Variants in FYB1 observed in about 807,000 individuals in gnomAD.
FYB1 encodes FYN-binding protein 1.
In FYB1, 41 loss-of-function variants were observed where a neutral mutation model predicts 94.1. That is an observed-to-expected ratio of 0.44 (90% CI 0.34 to 0.57). FYB1 has a LOEUF of 0.57. FYB1 is among the 20% of genes least tolerant of loss of function. The pLI, the probability that FYB1 is intolerant of heterozygous loss-of-function variation, is 0.02. For synonymous variants in FYB1, 367 were observed against 353.2 expected (o/e 1.04, Z -0.44); for missense variants, 1,050 against 976.8 (o/e 1.07, Z -1.00).
At chr5:39,112,821 A>G (rs908214404) in intron 16 of FYB1, among the ~76,000 whole-genome samples, 1 of 152,082 alleles carries the variant, frequency 6.6e-6, no homozygotes, top group Non-Finnish European at 1.5e-5. Flanking sequence ...AAGAGTTCTA[A>G]GGAACAGCCT....
At chr5:39,271,913 C>A (rs1232596180) in intron 1 of FYB1, among the ~76,000 whole-genome samples, 1 of 152,142 alleles carries the variant, frequency 6.6e-6, no homozygotes, top group Non-Finnish European at 1.5e-5. Context: ...CCCAGGCATA[C>A]TTTTAAGTAT....
intron 2 of FYB1, among the ~76,000 whole-genome samples, chr5:39,168,295 T>C (rs755605533): frequency 8.5e-5 from 13 of 152,258 alleles, no homozygotes; most frequent in Non-Finnish European, 1.5e-4. Context: ...CTTCTTTCAA[T>C]TACTGTAAAA....
chr5:39,149,334 A>G (rs938628969), intron 3 of FYB1, among the ~76,000 whole-genome samples: 1 of 152,142 alleles, frequency 6.6e-6, no homozygotes. Flanking sequence ...CTTGATCCCA[A>G]TTAGAGATTC....
At position 39,118,875 on chromosome 5, in the gene FYB1, T is replaced by C. The variant is rs1386459551; in HGVS notation, c.2400A>G (p.Lys800=). 1.3e-6 allele frequency: 2 copies of C among 1,503,740 alleles called. No individual in the cohort carries two copies. Among genetic ancestry groups the C allele is most frequent in the East Asian group, 2.4e-5 (1 of 42,134 alleles). 93.1% of individuals were successfully genotyped at this position (1,503,740 alleles called of 1,614,324 possible). A position where few individuals can be genotyped will look rare whatever the true frequency, so the allele number is the denominator to read the frequency against. The change falls in exon 16 of 19, where the codon AAA becomes AAG. Residue 800 remains lysine, a splice_region_variant and synonymous_variant. Coordinates refer to ENST00000512982, the MANE Select transcript of FYB1 (RefSeq NM_001465.6). ...TKVLCRNEEG[K]YGYVLRSYLA... The stretch of plus-strand genomic sequence containing the variant: ...ATTATAGTATAAGCAGTGACTTACA[T>C]TTCCCTTCTTCATTTCTGCAGAGAA...
intron 1 of FYB1, among the ~76,000 whole-genome samples, chr5:39,233,889 A>G (rs1750849884): frequency 6.6e-6 from 1 of 152,140 alleles, no homozygotes; most frequent in Non-Finnish European, 1.5e-5. Context: ...GAAAAAGACA[A>G]GTTAACATAG....
At chr5:39,187,088 A>C (rs779667230) in intron 2 of FYB1, among the ~76,000 whole-genome samples, 1 of 152,166 alleles carries the variant, frequency 6.6e-6, no homozygotes, top group Non-Finnish European at 1.5e-5. Flanking sequence ...TTCATAATAC[A>C]CCTCACTTCT....
intron 3 of FYB1, among the ~76,000 whole-genome samples, chr5:39,148,451 A>G (rs1225819526): frequency 8.3e-6 from 1 of 119,834 alleles, no homozygotes; most frequent in Non-Finnish European, 1.6e-5. Context: ...ATGACACATT[A>G]AACTTTGTTC....
intron 1 of FYB1, among the ~76,000 whole-genome samples, chr5:39,209,848 A>T (rs888818241): frequency 6.6e-6 from 1 of 152,214 alleles, no homozygotes; most frequent in East Asian, 1.9e-4. Flanking sequence ...TTGATTGGTC[A>T]TACAGATGGG....
intron 2 of FYB1, among the ~76,000 whole-genome samples, chr5:39,187,616 G>T (rs780457878): frequency 2.0e-5 from 3 of 152,110 alleles, no homozygotes; most frequent in Non-Finnish European, 4.4e-5. Context: ...AGACTTCCTG[G>T]TCAGTTTGGG....
chr5:39,107,342 G>T lies in FYB1; in HGVS notation c.*101C>A. The T allele has an allele frequency of 1.4e-6, 1 of 719,646 alleles. No homozygotes were observed. The allele number at this position is 719,646 out of a possible 1,614,324, so 44.6% of individuals were successfully genotyped here. On this transcript the variant is annotated 3_prime_UTR_variant, in exon 19 of 19. Coordinates refer to ENST00000512982, the MANE Select transcript of FYB1 (RefSeq NM_001465.6). The stretch of plus-strand genomic sequence containing the variant: ...ATTTCATAACAAATGATAATAAGTG[G>T]TTTTGTGCATTAATTTTCTTGATAC...
intron 1 of FYB1, among the ~76,000 whole-genome samples, chr5:39,255,311 A>G (rs139063805): frequency 6.6e-6 from 1 of 152,234 alleles, no homozygotes; most frequent in Admixed American, 6.5e-5. Context: ...AATTTTAAGC[A>G]TTTGCAAAAG....
At position 39,202,939 on chromosome 5, in the gene FYB1, C is replaced by T. The variant is rs1579664518; in HGVS notation, c.22G>A (p.Gly8Ser). 2 of 1,613,868 alleles carry T rather than the reference C, an allele frequency of 1.2e-6. No individual in the cohort carries two copies. The highest frequency in any genetic ancestry group is 1.7e-6 in the Non-Finnish European group (2 of 1,179,886). Reference sequence around the variant, plus strand: ...ACTGAGACATCCTCTGTCGGGTTGCCCCCCGTGTTATATTTCGCCATGAGG... The same window carrying T: ...ACTGAGACATCCTCTGTCGGGTTGCTCCCCGTGTTATATTTCGCCATGAGG... MAKYNTGGNPTEDVSVNS... is the reference protein window; with the variant it reads MAKYNTGSNPTEDVSVNS... Residue 8 changes from glycine to serine, a missense_variant, in exon 2 of 19, where the codon GGC becomes AGC. Physicochemically the swap from Gly to Ser is moderately conservative, Grantham distance 56. Coordinates refer to ENST00000512982, the MANE Select transcript of FYB1 (RefSeq NM_001465.6).
chr5:39,119,345 C>A (rs889560644), intron 15 of FYB1, among the ~76,000 whole-genome samples, 190 bp downstream of exon 15: 1 of 151,876 alleles, frequency 6.6e-6, no homozygotes, highest in Non-Finnish European at 1.5e-5. Context: ...AAATTTAAAT[C>A]TAAAATAAAT....
At chr5:39,230,734 T>C (rs1047430794) in intron 1 of FYB1, among the ~76,000 whole-genome samples, 7 of 151,786 alleles carry the variant, frequency 4.6e-5, no homozygotes, top group Non-Finnish European at 1.0e-4. Context: ...TCAAAGGCAT[T>C]ATCCACAAGG....
At chr5:39,168,104 A>C (rs2150391144) in intron 2 of FYB1, among the ~76,000 whole-genome samples, 1 of 152,358 alleles carries the variant, frequency 6.6e-6, no homozygotes, top group Middle Eastern at 3.4e-3. Flanking sequence ...CGGTGCTAAT[A>C]AACCTTTGCA....
intron 2 of FYB1, among the ~76,000 whole-genome samples, chr5:39,199,471 A>G (rs909948967): frequency 6.6e-6 from 1 of 152,252 alleles, no homozygotes; most frequent in Non-Finnish European, 1.5e-5. Context: ...TTTTGGAAAC[A>G]ACACAAATTG....
rs376929015 is a variant in FYB1, at chr5:39,202,439, A to G, written c.522T>C (p.Thr174=). The G allele has an allele frequency of 2.4e-5, 39 of 1,613,830 alleles. No individual in the cohort carries two copies. The highest frequency in any genetic ancestry group is 3.3e-5 in the Non-Finnish European group (39 of 1,179,852). The stretch of plus-strand genomic sequence containing the variant: ...CTGACATAAATTTCCCTTTAACCCC[A>G]GTCAATTTGGGAAACGCTTGCTTCT... ...NEQKQAFPKL[T]GVKGKFMSAS... The change falls in exon 2 of 19, where the codon ACT becomes ACC. Residue 174 remains threonine (T), a synonymous_variant. Coordinates refer to ENST00000512982, the MANE Select transcript of FYB1 (RefSeq NM_001465.6).
At chr5:39,219,611 T>G, upstream of FYB1, 1 of 985,334 alleles carries the variant, frequency 1.0e-6, no homozygotes. Context: ...AGTGGTTGAG[T>G]GAGCCACACC....
upstream of FYB1, among the ~76,000 whole-genome samples, chr5:39,223,693 A>G (rs1018873746): frequency 4.6e-5 from 7 of 152,194 alleles, no homozygotes; most frequent in African/African-American, 1.4e-4. Context: ...TTCTTTGTGG[A>G]CGTAAAAACT....
Sources: allele counts gnomAD v4.1 joint callset (sites outside exome capture counted in the v4.1 genomes callset), GRCh38; gene constraint gnomAD v4.1.1; transcripts MANE v1.5; gene names NCBI Gene and HGNC (gene_info 2026-07-23, HGNC 2026-07-21).